LHX8: variants seen among roughly 807,000 people sequenced by gnomAD.
The protein encoded by LHX8 is LIM homeobox 8, also known as LIM/homeobox protein Lhx8.
In LHX8, 12 loss-of-function variants were observed where a neutral mutation model predicts 40.3. The observed-to-expected ratio is 0.30, with a 90% CI of 0.19 to 0.48. LHX8 has a LOEUF of 0.48. Ranked by LOEUF, LHX8 falls within the 20% of genes least tolerant of loss-of-function variation. The pLI, the probability that LHX8 is intolerant of heterozygous loss-of-function variation, is 0.99. For synonymous variants in LHX8, 179 were observed against 162.0 expected (o/e 1.10, Z -0.80); for missense variants, 344 against 433.7 (o/e 0.79, Z 1.84).
At chr1:75,130,687 T>A, upstream of LHX8, 1 of 1,612,192 alleles carries the variant, frequency 6.2e-7, no homozygotes, top group Non-Finnish European at 8.5e-7. Flanking sequence ...GGTGAGCCCG[T>A]ATACAGCTCT....
rs139393103 is a variant in LHX8 at position 75,146,053 on chromosome 1, A to G, written c.684+2105A>G. Among the ~76,000 whole-genome samples, 488 of 152,244 alleles carry G rather than the reference A, an allele frequency of 3.2e-3. 7 individuals carry two copies. Among genetic ancestry groups the G allele is most frequent in the Non-Finnish European group, 5.2e-3 (356 of 67,964 alleles). On this transcript the variant is annotated intron_variant, in intron 6 of 8. Coordinates refer to ENST00000356261, the MANE Select transcript of LHX8 (RefSeq NM_001256114.2). ...CTTTGTCCTAAAGTGGTTCTTTATAATTTAGGAATCTGAAATAGATATTTT... is the reference window on the plus strand; with the variant it reads ...CTTTGTCCTAAAGTGGTTCTTTATAGTTTAGGAATCTGAAATAGATATTTT...
At chr1:75,175,922 T>G in the LHX8 span, among the ~76,000 whole-genome samples, 1 of 152,196 alleles carries the variant, frequency 6.6e-6, no homozygotes, top group Non-Finnish European at 1.5e-5. Context: ...ACATGCAGTG[T>G]TTGGCTTTCT....
intron 3 of LHX8, among the ~76,000 whole-genome samples, chr1:75,138,359 T>C (rs1032785123): frequency 1.3e-5 from 2 of 152,174 alleles, no homozygotes; most frequent in Admixed American, 6.5e-5. Flanking sequence ...AGTTTCTACC[T>C]CAACATACAA....
chr1:75,192,507 G>A, the LHX8 span, among the ~76,000 whole-genome samples: 1 of 152,126 alleles, frequency 6.6e-6, no homozygotes, highest in Admixed American at 6.6e-5. Flanking sequence ...TTTCTCTACT[G>A]AGGCACCTGT....
At chr1:75,178,722 A>G in the LHX8 span, among the ~76,000 whole-genome samples, 1 of 151,844 alleles carries the variant, frequency 6.6e-6, no homozygotes, top group African/African-American at 2.4e-5. Context: ...TAGCTTTTGA[A>G]TGTGTTTGCT....
At position 75,136,551 on chromosome 1, in the gene LHX8, C is replaced by G. The variant is rs1023016254; in HGVS notation, c.-12-52C>G. ...CGCCGAGGCTGGGGCGGGCAGCACGCTCGGAACTTCTGATCTGTTTCTCCA... is the reference window on the plus strand; with the variant it reads ...CGCCGAGGCTGGGGCGGGCAGCACGGTCGGAACTTCTGATCTGTTTCTCCA... On this transcript the variant is annotated intron_variant, in intron 1 of 8. Coordinates refer to ENST00000356261, the MANE Select transcript of LHX8 (RefSeq NM_001256114.2). 4.4e-6 allele frequency: 6 copies of G among 1,349,148 alleles called. No homozygotes were observed. The Admixed American group carries it at 7.9e-5, about 18-fold the overall frequency. 83.6% of individuals were successfully genotyped at this position (1,349,148 alleles called of 1,614,324 possible).
chr1:75,177,211 A>G, the LHX8 span, among the ~76,000 whole-genome samples: 1 of 152,132 alleles, frequency 6.6e-6, no homozygotes, highest in Non-Finnish European at 1.5e-5. Context: ...TTCTGTGAAG[A>G]AAGTCATTGG....
intron 3 of LHX8, among the ~76,000 whole-genome samples, chr1:75,137,727 ATTAAC>A (rs1648194666): frequency 6.6e-6 from 1 of 152,214 alleles, no homozygotes; most frequent in Admixed American, 6.5e-5. Context: ...GTTGGTATGT[ATTAAC>A]TGATTCCCTT....
chr1:75,153,192 G>A (rs1042301904), intron 7 of LHX8, among the ~76,000 whole-genome samples: 4 of 151,802 alleles, frequency 2.6e-5, no homozygotes, highest in African/African-American at 7.3e-5. Flanking sequence ...TTCAACCTCC[G>A]CCTTCCGGAC....
chr1:75,167,560 G>T, the LHX8 span, among the ~76,000 whole-genome samples: 1 of 152,070 alleles, frequency 6.6e-6, no homozygotes, highest in Non-Finnish European at 1.5e-5. Context: ...TGCCCTGATT[G>T]TTCCCCACAC....
At chr1:75,155,997 CT>C (rs200891522) in intron 7 of LHX8, among the ~76,000 whole-genome samples, 16,791 of 130,332 alleles carry the variant, frequency 0.13, 1,000 homozygotes, top group Middle Eastern at 0.19. Context: ...ATTTAGTAGT[CT>C]TTTTTTTTTT....
At chr1:75,153,198 C>T (rs1213040541) in intron 7 of LHX8, among the ~76,000 whole-genome samples, 1 of 151,752 alleles carries the variant, frequency 6.6e-6, no homozygotes, top group Non-Finnish European at 1.5e-5. Flanking sequence ...CTCCGCCTTC[C>T]GGACTCAAGC....
intron 6 of LHX8, among the ~76,000 whole-genome samples, chr1:75,147,755 CTTAATT>C (rs1406577912): frequency 6.6e-6 from 1 of 152,182 alleles, no homozygotes; most frequent in Non-Finnish European, 1.5e-5. Context: ...AAGTATCTCA[CTTAATT>C]CTCATAATGA....
chr1:75,192,882 G>A, the LHX8 span, among the ~76,000 whole-genome samples: 12 of 151,994 alleles, frequency 7.9e-5, no homozygotes, highest in South Asian at 2.3e-3. Context: ...TAGTAGAGAC[G>A]GGGGTTTTGC....
chr1:75,171,509 G>C, the LHX8 span, among the ~76,000 whole-genome samples: 2 of 151,984 alleles, frequency 1.3e-5, no homozygotes, highest in Non-Finnish European at 2.9e-5. Flanking sequence ...AATGGGAAGG[G>C]CCCAATATAC....
In LHX8 at chr1:75,137,330, A is replaced by G. The variant is rs368914154; in HGVS notation, c.237+69A>G. On this transcript the variant is annotated intron_variant, in intron 3 of 8. Transcript: ENST00000356261. ...AGCGTGGGAGCTCTGGGAAAAGAGT[A>G]ATGTTCCTCCCACCAACCTTTCCGT... 3.5e-5 allele frequency: 51 copies of G among 1,471,076 alleles called. 1 individual carries two copies. The East Asian group carries it at 8.2e-4, about 24-fold the overall frequency. 91.1% of individuals were successfully genotyped at this position (1,471,076 alleles called of 1,614,324 possible). A position where few individuals can be genotyped will look rare whatever the true frequency, so the allele number is the denominator to read the frequency against.
At chr1:75,170,675 G>A in the LHX8 span, among the ~76,000 whole-genome samples, 1 of 152,176 alleles carries the variant, frequency 6.6e-6, no homozygotes, top group Non-Finnish European at 1.5e-5. Flanking sequence ...GGAGGTATTA[G>A]AAATGGTCAG....
At chr1:75,136,235 G>T (rs1389146971) in intron 1 of LHX8, among the ~76,000 whole-genome samples, 2 of 151,266 alleles carry the variant, frequency 1.3e-5, no homozygotes, top group Admixed American at 6.6e-5. Flanking sequence ...CTTTAGCCCG[G>T]TGTTCCCCGC....
chr1:75,149,735 CAG>C (rs1008673608), intron 7 of LHX8, among the ~76,000 whole-genome samples: 1 of 152,058 alleles, frequency 6.6e-6, no homozygotes, highest in African/African-American at 2.4e-5. Context: ...TTTGTAGAAA[CAG>C]AGTCTCACCG....
Sources: allele counts gnomAD v4.1 joint callset (sites outside exome capture counted in the v4.1 genomes callset), GRCh38; gene constraint gnomAD v4.1.1; transcripts MANE v1.5; gene names NCBI Gene and HGNC (gene_info 2026-07-23, HGNC 2026-07-21).